The following CDH18 variants were observed in gnomAD, a reference collection of about 807,000 sequenced individuals.
CDH18 encodes the protein cadherin 18.
In CDH18, 31 loss-of-function variants were observed where a neutral mutation model predicts 67.9. The observed-to-expected ratio is 0.46, with a 90% CI of 0.34 to 0.62. CDH18 has a LOEUF of 0.62. Among genes scored for constraint, CDH18 ranks in the 20% least tolerant of loss-of-function variants. The probability of loss-of-function intolerance (pLI) is 0.01; values close to 1 mark genes in which losing one functional copy is unlikely to be tolerated. For synonymous variants in CDH18, 362 were observed against 347.2 expected (o/e 1.04, Z -0.48); for missense variants, 890 against 975.5 (o/e 0.91, Z 1.17).
chr5:19,666,869 G>T (rs557924772), intron 5 of CDH18, among the ~76,000 whole-genome samples: 21 of 152,128 alleles, frequency 1.4e-4, no homozygotes, highest in Non-Finnish European at 2.5e-4. Context: ...AAAGTTACCT[G>T]TGGCCTTGTC....
chr5:19,939,852 A>G (rs73059698), intron 2 of CDH18, among the ~76,000 whole-genome samples: 16,672 of 151,918 alleles, frequency 0.11, 2,627 homozygotes, highest in African/African-American at 0.35. Flanking sequence ...TCATCAATTT[A>G]AAGGAGACTT....
chr5:19,664,560 T>G (rs1757641358), intron 5 of CDH18, among the ~76,000 whole-genome samples: 1 of 151,454 alleles, frequency 6.6e-6, no homozygotes, highest in Admixed American at 6.6e-5. Context: ...ATAAATCAAC[T>G]ACATAAATTA....
intron 1 of CDH18, among the ~76,000 whole-genome samples, chr5:20,362,173 A>G (rs1207067878): frequency 6.6e-6 from 1 of 152,190 alleles, no homozygotes; most frequent in African/African-American, 2.4e-5. Context: ...TGTTTGGTCT[A>G]GAGACATAAT....
At chr5:20,471,833 T>TTAAAAAAAAAAAAAAAAAAA (rs757184101) in intron 1 of CDH18, among the ~76,000 whole-genome samples, 10 of 51,486 alleles carry the variant, frequency 1.9e-4, no homozygotes, top group African/African-American at 6.5e-4. Flanking sequence ...AGATTCAGTC[T>TTAAAAAAAAAAAAAAAAAAA]AAAAAAAAAA....
chr5:20,282,922 A>G (rs917003564), intron 1 of CDH18, among the ~76,000 whole-genome samples: 1 of 152,150 alleles, frequency 6.6e-6, no homozygotes, highest in Non-Finnish European at 1.5e-5. Flanking sequence ...AAACAGACAC[A>G]CAGACCAATG....
chr5:19,612,121 T>C (rs775517286), intron 6 of CDH18, among the ~76,000 whole-genome samples: 2 of 152,178 alleles, frequency 1.3e-5, no homozygotes, highest in African/African-American at 4.8e-5. Context: ...AACATCTCCA[T>C]GAATACTTTA....
intron 2 of CDH18, among the ~76,000 whole-genome samples, chr5:19,863,990 A>G (rs1785183486): frequency 6.6e-6 from 1 of 151,784 alleles, no homozygotes; most frequent in Admixed American, 6.6e-5. Context: ...GGGATCTAGA[A>G]CTAGAAATAC....
chr5:20,424,962 G>A (rs1310189926), intron 1 of CDH18, among the ~76,000 whole-genome samples: 4 of 150,542 alleles, frequency 2.7e-5, no homozygotes, highest in Admixed American at 2.6e-4. Context: ...ACACAAACAT[G>A]AGGACTGGGT....
In CDH18 at chr5:20,399,901, A is replaced by G. The variant is rs556638207; in HGVS notation, c.-579-144396T>C. Among the ~76,000 whole-genome samples, 3 of 152,318 alleles carry G rather than the reference A, an allele frequency of 2.0e-5. No homozygotes were observed. In the East Asian group the frequency reaches 5.8e-4, roughly 29 times the overall value. ...CAGTATGCTGAAGAGCAGGAGCTCA[A>G]ACAGGGGTAATCCAGAAACCCTGCT... On this transcript the variant is annotated intron_variant, in intron 1 of 14. Coordinates refer to the CDH18 transcript ENST00000507958.
chr5:19,866,139 C>T (rs1376720329), intron 2 of CDH18, among the ~76,000 whole-genome samples: 1 of 152,118 alleles, frequency 6.6e-6, no homozygotes, highest in Non-Finnish European at 1.5e-5. Context: ...AAACAGAAAC[C>T]AAGTCTCTTA....
intron 1 of CDH18, chr5:20,304,697 C>G (rs774972500): frequency 1.1e-5 from 17 of 1,611,488 alleles, no homozygotes; most frequent in Non-Finnish European, 1.4e-5. Context: ...GATGTCAGCT[C>G]CACCTTCTTG....
chr5:19,702,608 A>G (rs962285451), intron 5 of CDH18, among the ~76,000 whole-genome samples: 10 of 152,070 alleles, frequency 6.6e-5, no homozygotes, highest in Non-Finnish European at 1.5e-4. Context: ...TCTACTAAAA[A>G]TACAAAAATT....
At chr5:20,362,028 T>C (rs1000425190) in intron 1 of CDH18, among the ~76,000 whole-genome samples, 3 of 152,034 alleles carry the variant, frequency 2.0e-5, no homozygotes, top group Non-Finnish European at 4.4e-5. Flanking sequence ...GAGTCAATCA[T>C]GCATATTTGA....
chr5:20,187,718 T>C lies in CDH18; in HGVS notation c.-518+67726A>G, dbSNP rs895397417. On this transcript the variant is annotated intron_variant, in intron 2 of 14. Coordinates refer to the CDH18 transcript ENST00000507958. ...TATATGTAATCAAGAATCTGAGCAGTTGATATTTTAGAGTATTATGCTTTA... is the reference window on the plus strand; with the variant it reads ...TATATGTAATCAAGAATCTGAGCAGCTGATATTTTAGAGTATTATGCTTTA... 9.2e-5 allele frequency among the ~76,000 whole-genome samples: 14 copies of C among 151,988 alleles called. 1 individual carries two copies. The highest frequency in any genetic ancestry group is 2.6e-4 in the Admixed American group (4 of 15,222).
intron 3 of CDH18, among the ~76,000 whole-genome samples, chr5:19,749,838 GT>G (rs1449804557): frequency 6.7e-6 from 1 of 150,346 alleles, no homozygotes; most frequent in South Asian, 2.1e-4. Context: ...TTAATAAACA[GT>G]TTTTATAATA....
At chr5:20,517,578 C>G (rs1251713284) in intron 1 of CDH18, among the ~76,000 whole-genome samples, 1 of 151,862 alleles carries the variant, frequency 6.6e-6, no homozygotes, top group East Asian at 1.9e-4. Context: ...GGTTCCCTTT[C>G]ATGTATTTAC....
chr5:20,244,266 G>C (rs969899050), intron 2 of CDH18, among the ~76,000 whole-genome samples: 5 of 152,046 alleles, frequency 3.3e-5, no homozygotes, highest in Admixed American at 2.6e-4. Context: ...TTCAGAATAA[G>C]ACTGTCAAAG....
chr5:19,580,504 C>T (rs1743067787), intron 7 of CDH18, among the ~76,000 whole-genome samples: 1 of 151,814 alleles, frequency 6.6e-6, no homozygotes, highest in Non-Finnish European at 1.5e-5. Flanking sequence ...AGCTCTTTCT[C>T]CATCTCAAAT....
intron 1 of CDH18, among the ~76,000 whole-genome samples, chr5:20,344,516 A>G (rs755707238): frequency 2.0e-5 from 3 of 151,932 alleles, no homozygotes; most frequent in Non-Finnish European, 2.9e-5. Context: ...TTTGGACTCC[A>G]TAAGTACTCC....
Sources: gnomAD v4.1 joint callset for allele counts (sites outside exome capture counted in the v4.1 genomes callset) on GRCh38, gnomAD v4.1.1 for gene constraint, MANE v1.5 for transcripts, NCBI Gene and HGNC (gene_info 2026-07-23, HGNC 2026-07-21) for gene names.